KCND2: variants seen among roughly 807,000 people sequenced by gnomAD.
KCND2 encodes the protein potassium voltage-gated channel subfamily D member 2, also known as A-type voltage-gated potassium channel KCND2.
KCND2 carries 16 observed loss-of-function variants against 54.4 expected under a neutral mutation model. The ratio of observed to expected loss-of-function variants is 0.29; its 90% CI spans 0.20 to 0.45. KCND2 has a LOEUF of 0.45. Ranked by LOEUF, KCND2 falls within the 20% of genes least tolerant of loss-of-function variation. The pLI is 1.00. For synonymous variants in KCND2, 317 were observed against 310.7 expected (o/e 1.02, Z -0.21); for missense variants, 486 against 824.2 (o/e 0.59, Z 5.02).
chr7:120,369,207 G>A (rs1469339326), intron 1 of KCND2, among the ~76,000 whole-genome samples: 1 of 151,762 alleles, frequency 6.6e-6, no homozygotes, highest in Non-Finnish European at 1.5e-5. Context: ...ATCTCAAAGT[G>A]TCAAAATGTG....
rs572823442 is a variant in KCND2, at chr7:120,687,423, A to G, written c.1116-45480A>G. On this transcript the variant is annotated intron_variant, in intron 1 of 5. Coordinates refer to ENST00000331113, the MANE Select transcript of KCND2 (RefSeq NM_012281.3). ...GTTAAAAGGATAAATCTCATGGTAA[A>G]TGTTATTAACACAATTTTAAAAATT... 2.0e-5 allele frequency among the ~76,000 whole-genome samples: 3 copies of G among 152,292 alleles called. No individual in the cohort carries two copies. The South Asian group carries it at 6.2e-4, about 32-fold the overall frequency.
intron 1 of KCND2, among the ~76,000 whole-genome samples, chr7:120,417,142 C>G (rs1402525893): frequency 1.3e-5 from 2 of 152,164 alleles, no homozygotes; most frequent in African/African-American, 2.4e-5. Context: ...CTACTGCAGC[C>G]AGCCTAGAAA....
At chr7:120,528,107 GACAA>G (rs898879675) in intron 1 of KCND2, among the ~76,000 whole-genome samples, 52 of 152,166 alleles carry the variant, frequency 3.4e-4, no homozygotes, top group African/African-American at 1.0e-3. Context: ...CTGCTACAAA[GACAA>G]ACATTGTCCC....
chr7:120,559,589 T>TA (rs1416695212), intron 1 of KCND2, among the ~76,000 whole-genome samples: 11 of 152,170 alleles, frequency 7.2e-5, no homozygotes, highest in African/African-American at 2.7e-4. Flanking sequence ...TTTTCTGAAT[T>TA]AAAAAATTAG....
intron 1 of KCND2, among the ~76,000 whole-genome samples, chr7:120,653,761 G>T (rs1407669504): frequency 6.6e-6 from 1 of 152,176 alleles, no homozygotes; most frequent in African/African-American, 2.4e-5. Flanking sequence ...AAATACTGAG[G>T]ATATACAAAA....
chr7:120,616,050 A>G (rs17142860), intron 1 of KCND2, among the ~76,000 whole-genome samples: 10,631 of 152,214 alleles, frequency 0.07, 465 homozygotes, highest in African/African-American at 0.12. Context: ...TTCAGTGTAT[A>G]ACACAGTGCA....
chr7:120,625,794 A>G (rs1453421060), intron 1 of KCND2, among the ~76,000 whole-genome samples: 1 of 152,112 alleles, frequency 6.6e-6, no homozygotes, highest in East Asian at 1.9e-4. Context: ...AAGAACAATA[A>G]TAAGAAACTT....
At chr7:120,291,207 C>A (rs111920740) in intron 1 of KCND2, among the ~76,000 whole-genome samples, 1,940 of 151,764 alleles carry the variant, frequency 0.013, 46 homozygotes, top group African/African-American at 0.042. Context: ...TATCTTTATG[C>A]ATAGAAATTT....
At chr7:120,537,759 A>C (rs1234465289) in intron 1 of KCND2, among the ~76,000 whole-genome samples, 1 of 152,168 alleles carries the variant, frequency 6.6e-6, no homozygotes, top group African/African-American at 2.4e-5. Context: ...GCTAGCTTCA[A>C]ATTTGTCTTC....
chr7:120,519,925 A>G (rs1472630218), intron 1 of KCND2, among the ~76,000 whole-genome samples: 2 of 152,266 alleles, frequency 1.3e-5, no homozygotes, highest in Admixed American at 6.5e-5. Flanking sequence ...TAATATTAAG[A>G]CATATAATGA....
chr7:120,631,856 A>C (rs56043535), intron 1 of KCND2, among the ~76,000 whole-genome samples: 1 of 152,252 alleles, frequency 6.6e-6, no homozygotes, highest in African/African-American at 2.4e-5. Flanking sequence ...CCATTTTGAA[A>C]GTTTCTTACT....
intron 1 of KCND2, among the ~76,000 whole-genome samples, chr7:120,643,286 T>C (rs902433073): frequency 6.6e-6 from 1 of 152,158 alleles, no homozygotes; most frequent in African/African-American, 2.4e-5. Flanking sequence ...ATAATAGCTG[T>C]ATATGATAGG....
At chr7:120,514,913 T>C (rs1159958810) in intron 1 of KCND2, among the ~76,000 whole-genome samples, 4 of 151,986 alleles carry the variant, frequency 2.6e-5, no homozygotes, top group African/African-American at 7.2e-5. Flanking sequence ...GACCCCTGTT[T>C]TATAGCAACA....
intron 4 of KCND2, among the ~76,000 whole-genome samples, chr7:120,745,156 C>T (rs761426584): frequency 4.6e-5 from 7 of 152,052 alleles, no homozygotes; most frequent in African/African-American, 1.2e-4. Flanking sequence ...CCTTCTGGGT[C>T]GAACACAGAG....
intron 1 of KCND2, among the ~76,000 whole-genome samples, chr7:120,511,432 G>A (rs1287276363): frequency 2.6e-5 from 4 of 151,844 alleles, no homozygotes; most frequent in East Asian, 1.9e-4. Context: ...CTAGCACCTG[G>A]CTCACAGTAG....
chr7:120,534,401 T>G (rs1356283185), intron 1 of KCND2, among the ~76,000 whole-genome samples: 2 of 151,928 alleles, frequency 1.3e-5, no homozygotes, highest in African/African-American at 4.8e-5. Context: ...CAAGACAAAC[T>G]CAAACTCAGG....
intron 1 of KCND2, among the ~76,000 whole-genome samples, chr7:120,339,664 A>G (rs1800211508): frequency 6.6e-6 from 1 of 152,120 alleles, no homozygotes; most frequent in South Asian, 2.1e-4. Flanking sequence ...CTTGGGTTAC[A>G]TTAGGGAAAC....
At chr7:120,716,024 C>G (rs748688857) in intron 1 of KCND2, among the ~76,000 whole-genome samples, 14 of 151,874 alleles carry the variant, frequency 9.2e-5, no homozygotes, top group Non-Finnish European at 1.5e-4. Context: ...AGAGTTTTTA[C>G]TTTTTTACTC....
intron 1 of KCND2, among the ~76,000 whole-genome samples, chr7:120,586,764 T>C (rs1434731432): frequency 6.6e-6 from 1 of 152,198 alleles, no homozygotes; most frequent in South Asian, 2.1e-4. Flanking sequence ...GTAGGTGTTA[T>C]AAATCTCTGC....
Sources: gnomAD v4.1 joint callset for allele counts (sites outside exome capture counted in the v4.1 genomes callset) on GRCh38, gnomAD v4.1.1 for gene constraint, MANE v1.5 for transcripts, NCBI Gene and HGNC (gene_info 2026-07-23, HGNC 2026-07-21) for gene names.